ADAMTS5: variants seen among roughly 807,000 people sequenced by gnomAD.
The protein encoded by ADAMTS5 is ADAM metallopeptidase with thrombospondin type 1 motif 5.
In ADAMTS5, 54 loss-of-function variants were observed where a neutral mutation model predicts 81.4. The observed-to-expected ratio is 0.66, with a 90% CI of 0.53 to 0.83. The LOEUF (loss-of-function observed/expected upper bound fraction) is 0.83, where lower values mean the gene tolerates loss of function less well. Ranked by LOEUF, ADAMTS5 falls within the 40% of genes least tolerant of loss-of-function variation. The pLI is 0.00. For missense variants in ADAMTS5, 1,194 were observed against 1,229.9 expected, an observed-to-expected ratio of 0.97 and a Z score of 0.44; for synonymous variants, 532 against 508.8, an observed-to-expected ratio of 1.05 and a Z score of -0.61.
chr21:26,941,510 C>G (rs229047), intron 3 of ADAMTS5, among the ~76,000 whole-genome samples: 2,391 of 152,018 alleles, frequency 0.016, 31 homozygotes, highest in Non-Finnish European at 0.027. Flanking sequence ...AAATTAAGAT[C>G]ACAAATTCCA....
intron 3 of ADAMTS5, among the ~76,000 whole-genome samples, chr21:26,940,084 G>A (rs942648496): frequency 8.5e-5 from 13 of 152,190 alleles, no homozygotes; most frequent in African/African-American, 3.1e-4. Context: ...CAGTGGACGA[G>A]TGCTACAAAT....
In ADAMTS5 at chr21:26,923,785, C is replaced by G; in HGVS notation, c.*268G>C. 1 of 368,624 alleles carries G rather than the reference C, an allele frequency of 2.7e-6. No homozygotes were observed. The highest frequency in any genetic ancestry group is 4.3e-5 in the East Asian group (1 of 23,120). 22.8% of individuals were successfully genotyped at this position (368,624 alleles called of 1,614,324 possible). On this transcript the variant is annotated 3_prime_UTR_variant, in exon 8 of 8. Coordinates refer to ENST00000284987, the MANE Select transcript of ADAMTS5 (RefSeq NM_007038.5). ...CAGTTCTGCCATCTTCAAATGTCCC[C>G]TGATTTTACATTCATCAGTGTTTCT... is the stretch of plus-strand genomic sequence containing the variant.
rs982848773 is a variant in ADAMTS5 at position 26,966,071 on chromosome 21, C to T, written c.321G>A (p.Ser107=). 3.7e-6 allele frequency: 6 copies of T among 1,612,932 alleles called. No individual in the cohort carries two copies. The Admixed American group carries it at 6.7e-5, about 18-fold the overall frequency. The part of the protein sequence containing the change: ...RFLLDLERDG[S]VGIAGFVPAG... ...CGGGCACGAAGCCAGCAATGCCCAC[C>T]GAACCATCTCGCTCCAGGTCCAAGA... The change falls in exon 1 of 8, where the codon TCG becomes TCA. Residue 107 remains serine, a synonymous_variant. Transcript: ENST00000284987.
intron 3 of ADAMTS5, among the ~76,000 whole-genome samples, chr21:26,942,731 A>G (rs1179817338): frequency 6.6e-6 from 1 of 152,166 alleles, no homozygotes; most frequent in East Asian, 1.9e-4. Flanking sequence ...GAATTTAATA[A>G]AGTATGTTGT....
At chr21:26,938,033 A>G (rs754206969) in intron 3 of ADAMTS5, among the ~76,000 whole-genome samples, 3 of 152,188 alleles carry the variant, frequency 2.0e-5, no homozygotes, top group Non-Finnish European at 4.4e-5. Flanking sequence ...TGAGGTCAAG[A>G]GTTCGCGACC....
At position 26,965,546 on chromosome 21, in the gene ADAMTS5, C is replaced by A. The variant is rs762742485; in HGVS notation, c.846G>T (p.Leu282Phe). The A allele has an allele frequency of 1.9e-6, 3 of 1,612,372 alleles. No individual in the cohort carries two copies. Among genetic ancestry groups the A allele is most frequent in the Non-Finnish European group, 2.5e-6 (3 of 1,178,922 alleles). Reference sequence around the variant, plus strand: ...GGTAATGCTGCAGGCCCCGGCCATACAACCGCGCCATGGACGCGTCAGCCA... The same window carrying A: ...GGTAATGCTGCAGGCCCCGGCCATAAAACCGCGCCATGGACGCGTCAGCCA... ...LLVADASMAR[L>F]YGRGLQHYLL... The change falls in exon 1 of 8, where the codon TTG becomes TTT. Residue 282 changes from leucine (L) to phenylalanine (F), a missense_variant. By Grantham distance (22) the Leu-to-Phe change is conservative. Transcript: ENST00000284987.
chr21:26,965,870 C>T lies in ADAMTS5; in HGVS notation c.522G>A (p.Ala174=), dbSNP rs762495841. 13 of 1,613,584 alleles carry T rather than the reference C, an allele frequency of 8.1e-6. No individual in the cohort carries two copies. The South Asian group carries it at 1.4e-4, about 18-fold the overall frequency. ...TLKPLLRGPW[A]EEEKGRVYGD... ...CGTACACGCGCCCCTTTTCTTCCTC[C>T]GCCCAGGGTCCGCGCAGCAGTGGCT... is the stretch of plus-strand genomic sequence containing the variant. The change falls in exon 1 of 8, where the codon GCG becomes GCA. Residue 174 remains alanine, a synonymous_variant. Coordinates refer to ENST00000284987, the MANE Select transcript of ADAMTS5 (RefSeq NM_007038.5).
Position 26,966,566 on chromosome 21 carries a change from C to G in ADAMTS5, c.-175G>C, listed in dbSNP as rs1282623898. ...GCGCCAGCCTGTCCGGGCTGCGGTG[C>G]CAGCGTGCGAACTTTTCTTTGTTGC... On this transcript the variant is annotated 5_prime_UTR_variant, in exon 1 of 8. Coordinates refer to ENST00000284987, the MANE Select transcript of ADAMTS5 (RefSeq NM_007038.5). 4.7e-6 allele frequency: 2 copies of G among 424,110 alleles called. No individual in the cohort carries two copies. The highest frequency in any genetic ancestry group is 7.2e-6 in the Non-Finnish European group (2 of 276,066). The allele number at this position is 424,110 out of a possible 1,614,324, so 26.3% of individuals were successfully genotyped here. A position where few individuals can be genotyped will look rare whatever the true frequency, so the allele number is the denominator to read the frequency against.
intron 6 of ADAMTS5, among the ~76,000 whole-genome samples, chr21:26,931,521 G>A (rs766939283): frequency 1.3e-5 from 2 of 152,160 alleles, no homozygotes; most frequent in Admixed American, 1.3e-4. Context: ...TAACTAGAGG[G>A]ACATTGATTC....
At chr21:26,939,561 T>C (rs187483276) in intron 3 of ADAMTS5, 1 of 152,204 alleles carries the variant, frequency 6.6e-6, no homozygotes, top group Non-Finnish European at 1.5e-5. Flanking sequence ...GTTCAGTAAG[T>C]GGCTGTAAAC....
At chr21:26,956,528 T>A (rs1987430723) in intron 1 of ADAMTS5, among the ~76,000 whole-genome samples, 1 of 152,172 alleles carries the variant, frequency 6.6e-6, no homozygotes, top group Non-Finnish European at 1.5e-5. Flanking sequence ...TAATAATCAG[T>A]CTTTGAGATA....
rs1411339545 is a variant in ADAMTS5, at chr21:26,921,584, A to G, written c.*2469T>C. 6.6e-6 allele frequency: 1 copy of G among 152,304 alleles called. No homozygotes were observed. Among genetic ancestry groups the G allele is most frequent in the African/African-American group, 2.4e-5 (1 of 41,356 alleles). 9.4% of individuals were successfully genotyped at this position (152,304 alleles called of 1,614,324 possible). ...ACTGACTTAGATTGAGTTGTATAGAATTTTCCCTTTGTTCACAATTCGTGG... is the reference window on the plus strand; with the variant it reads ...ACTGACTTAGATTGAGTTGTATAGAGTTTTCCCTTTGTTCACAATTCGTGG... On this transcript the variant is annotated 3_prime_UTR_variant, in exon 8 of 8. Coordinates refer to ENST00000284987, the MANE Select transcript of ADAMTS5 (RefSeq NM_007038.5).
At chr21:26,945,520 CAA>C (rs1987198857) in intron 2 of ADAMTS5, among the ~76,000 whole-genome samples, 2 of 151,930 alleles carry the variant, frequency 1.3e-5, no homozygotes, top group South Asian at 4.2e-4. Flanking sequence ...ATTATTGTAT[CAA>C]GAGATTTTCA....
At chr21:26,941,883 A>G (rs1987121113) in intron 3 of ADAMTS5, among the ~76,000 whole-genome samples, 1 of 152,142 alleles carries the variant, frequency 6.6e-6, no homozygotes, top group Non-Finnish European at 1.5e-5. Context: ...CATTCATTTT[A>G]GGACTTTATC....
intron 7 of ADAMTS5, among the ~76,000 whole-genome samples, chr21:26,929,006 G>T (rs1311908540): frequency 3.9e-5 from 6 of 152,100 alleles, no homozygotes; most frequent in Admixed American, 3.9e-4. Context: ...TTAGCAAATA[G>T]AATTAGTAAC....
rs1319892691 is a variant in ADAMTS5 at position 26,923,106 on chromosome 21, T to C, written c.*947A>G. On this transcript the variant is annotated 3_prime_UTR_variant, in exon 8 of 8. Coordinates refer to ENST00000284987, the MANE Select transcript of ADAMTS5 (RefSeq NM_007038.5). The stretch of plus-strand genomic sequence containing the variant: ...AAACTTGCTGTGTGTTTTGTACGTA[T>C]ATCATACATTGTGAGATATCAGATG... The C allele has an allele frequency of 6.6e-6, 1 of 152,222 alleles. No individual in the cohort carries two copies. Among genetic ancestry groups the C allele is most frequent in the Non-Finnish European group, 1.5e-5 (1 of 68,018 alleles). 9.4% of individuals were successfully genotyped at this position (152,222 alleles called of 1,614,324 possible).
At position 26,963,641 on chromosome 21, in the gene ADAMTS5, C is replaced by CAAAAAAAAAAAAA. The variant is rs533760778; in HGVS notation, c.1104+1634_1104+1646dup. Among the ~76,000 whole-genome samples, 2 of 30,020 alleles carry CAAAAAAAAAAAAA rather than the reference C, an allele frequency of 6.7e-5. 1 individual carries two copies. The highest frequency in any genetic ancestry group is 1.7e-4 in the African/African-American group (2 of 11,594). The allele number at this position is 30,020 out of a possible 152,430, so 19.7% of individuals were successfully genotyped here. A position where few individuals can be genotyped will look rare whatever the true frequency, so the allele number is the denominator to read the frequency against. ...ACCCCAGACACGGAAAGTTGCTTAC[C>CAAAAAAAAAAAAA]AAAAAAAAAAAAAAAAAAAAAAAAA... On this transcript the variant is annotated intron_variant, in intron 1 of 7. Transcript: ENST00000284987.
At chr21:26,961,081 C>T (rs1314449846) in intron 1 of ADAMTS5, among the ~76,000 whole-genome samples, 1 of 152,190 alleles carries the variant, frequency 6.6e-6, no homozygotes, top group Non-Finnish European at 1.5e-5. Flanking sequence ...CTACGAGGAG[C>T]ATATTAAAGG....
intron 7 of ADAMTS5, 83 bp downstream of exon 7, chr21:26,929,803 T>TA: frequency 1.4e-6 from 2 of 1,392,950 alleles, no homozygotes; most frequent in Non-Finnish European, 2.0e-6. Context: ...GCTTATGATG[T>TA]AATATGAATC....
Sources: gnomAD v4.1 joint callset for allele counts (sites outside exome capture counted in the v4.1 genomes callset) on GRCh38, gnomAD v4.1.1 for gene constraint, MANE v1.5 for transcripts, NCBI Gene and HGNC (gene_info 2026-07-23, HGNC 2026-07-21) for gene names.